ANKRD55: variants seen among roughly 807,000 people sequenced by gnomAD.
ANKRD55 encodes the protein ankyrin repeat domain-containing protein 55.
ANKRD55 carries 41 observed loss-of-function variants against 60.6 expected under a neutral mutation model. That is an observed-to-expected ratio of 0.68 (90% CI 0.53 to 0.88). ANKRD55 has a LOEUF of 0.88. ANKRD55 is among the 40% of genes least tolerant of loss of function. The probability of loss-of-function intolerance (pLI) is 0.00; values close to 1 mark genes in which losing one functional copy is unlikely to be tolerated. For missense variants in ANKRD55, 732 were observed against 767.6 expected (o/e 0.95, Z 0.55); for synonymous variants, 264 against 290.3 (o/e 0.91, Z 0.92).
At chr5:56,135,368 C>CTTTCTTTTT in intron 7 of ANKRD55, among the ~76,000 whole-genome samples, 1 of 49,190 alleles carries the variant, frequency 2.0e-5, no homozygotes, top group East Asian at 5.0e-4. Context: ...TCTTTCTTTC[C>CTTTCTTTTT]TTCTTTCTTT....
At chr5:56,205,219 C>A (rs1211117413) in intron 2 of ANKRD55, among the ~76,000 whole-genome samples, 1 of 152,102 alleles carries the variant, frequency 6.6e-6, no homozygotes, top group African/African-American at 2.4e-5. Context: ...TGCCACCATG[C>A]CCAGCTAATT....
intron 2 of ANKRD55, among the ~76,000 whole-genome samples, chr5:56,215,892 G>T (rs1474448316): frequency 6.6e-6 from 1 of 151,968 alleles, no homozygotes; most frequent in Non-Finnish European, 1.5e-5. Flanking sequence ...TTCTTGGCCA[G>T]ATCTCCTGTT....
At chr5:56,134,108 A>G (rs1306622056) in intron 7 of ANKRD55, among the ~76,000 whole-genome samples, 2 of 114,656 alleles carry the variant, frequency 1.7e-5, no homozygotes, top group African/African-American at 5.7e-5. Flanking sequence ...GAAATGAAAA[A>G]AGGTACTTCA....
At chr5:56,205,093 C>T (rs533002964) in intron 2 of ANKRD55, among the ~76,000 whole-genome samples, 8 of 152,128 alleles carry the variant, frequency 5.3e-5, no homozygotes, top group African/African-American at 1.9e-4. Flanking sequence ...CAGAGTCTCA[C>T]TCTGTTGCCC....
At chr5:56,122,265 C>G (rs949313088) in intron 8 of ANKRD55, among the ~76,000 whole-genome samples, 4 of 152,150 alleles carry the variant, frequency 2.6e-5, no homozygotes, top group African/African-American at 9.7e-5. Flanking sequence ...TGGAGGTGGC[C>G]TAAAGACGAT....
At chr5:56,186,816 G>A (rs1758985525) in intron 2 of ANKRD55, among the ~76,000 whole-genome samples, 1 of 152,184 alleles carries the variant, frequency 6.6e-6, no homozygotes, top group Non-Finnish European at 1.5e-5. Flanking sequence ...ACAAGAAATA[G>A]GGCCCAGAAA....
intron 2 of ANKRD55, among the ~76,000 whole-genome samples, chr5:56,203,331 T>C (rs952027436): frequency 3.9e-5 from 6 of 152,162 alleles, no homozygotes; most frequent in African/African-American, 1.4e-4. Context: ...TCTGATGGTT[T>C]TTTTAAAATT....
intron 9 of ANKRD55, among the ~76,000 whole-genome samples, chr5:56,112,518 A>AAAAAAAAAAAC (rs1328681621): frequency 6.7e-6 from 1 of 149,884 alleles, no homozygotes; most frequent in Non-Finnish European, 1.5e-5. Flanking sequence ...AAAAAAAAAA[A>AAAAAAAAAAAC]AAAACAACCA....
intron 2 of ANKRD55, among the ~76,000 whole-genome samples, chr5:56,201,413 T>G (rs1277188377): frequency 1.3e-5 from 2 of 152,214 alleles, no homozygotes; most frequent in Non-Finnish European, 2.9e-5. Context: ...TACAGCTGGC[T>G]GGCATTGAAA....
chr5:56,158,514 G>T (rs1758250801), intron 6 of ANKRD55, among the ~76,000 whole-genome samples: 1 of 152,196 alleles, frequency 6.6e-6, no homozygotes, highest in African/African-American at 2.4e-5. Flanking sequence ...GGACAGCTCT[G>T]CTTAGTGTCT....
In ANKRD55 at chr5:56,102,520, T is replaced by G. The variant is rs767985422; in HGVS notation, c.1697A>C (p.Asn566Thr). ...TTTTTGATCTGGTAGGGGAGCTAGGTTGTTCCGAGTGAAAGGAAGATCCCT... is the reference window on the plus strand; with the variant it reads ...TTTTTGATCTGGTAGGGGAGCTAGGGTGTTCCGAGTGAAAGGAAGATCCCT... Reference protein sequence around the residue: ...KIRDLPFTRNNLAPLPDQKFL... With the variant: ...KIRDLPFTRNTLAPLPDQKFL... Residue 566 changes from asparagine (N) to threonine (T), a missense_variant, in exon 11 of 12, where the codon AAC becomes ACC. Physicochemically the swap from Asn to Thr is moderately conservative, Grantham distance 65. This residue lies in a region of ANKRD55 where 597 missense variants were observed against 607.5 expected (regional missense o/e 0.98). Coordinates refer to ENST00000341048, the MANE Select transcript of ANKRD55 (RefSeq NM_024669.3). The G allele has an allele frequency of 6.2e-7, 1 of 1,613,684 alleles. No individual in the cohort carries two copies. The highest frequency in any genetic ancestry group is 1.1e-5 in the South Asian group (1 of 91,066).
intron 7 of ANKRD55, chr5:56,137,045 C>T (rs1010701494): frequency 2.5e-5 from 19 of 769,008 alleles, no homozygotes; most frequent in Non-Finnish European, 2.9e-5. Context: ...TTCAAGTCTT[C>T]GTGTTCACTT....
Position 56,102,597 on chromosome 5 carries a change from A to G in ANKRD55, c.1631-11T>C, listed in dbSNP as rs764298888. 1.3e-6 allele frequency: 2 copies of G among 1,597,490 alleles called. No individual in the cohort carries two copies. Among genetic ancestry groups the G allele is most frequent in the Middle Eastern group, 1.7e-4 (1 of 6,026 alleles). On this transcript the variant is annotated splice_polypyrimidine_tract_variant and intron_variant, in intron 10 of 11. Coordinates refer to ENST00000341048, the MANE Select transcript of ANKRD55 (RefSeq NM_024669.3). ...GCTGAAAATTTTGTCCTGAAGATAA[A>G]CATATTTGCATCAATTACTTGAGAC...
chr5:56,231,216 G>A (rs1760243040), intron 2 of ANKRD55, among the ~76,000 whole-genome samples: 1 of 152,204 alleles, frequency 6.6e-6, no homozygotes, highest in South Asian at 2.1e-4. Context: ...AAAGATGGCA[G>A]GGAGAGGGTT....
chr5:56,214,064 A>T (rs1390309988), intron 2 of ANKRD55, among the ~76,000 whole-genome samples: 2 of 152,098 alleles, frequency 1.3e-5, no homozygotes, highest in East Asian at 3.9e-4. Context: ...GTGCAGGGGA[A>T]CTCCCATTTA....
intron 8 of ANKRD55, among the ~76,000 whole-genome samples, chr5:56,121,235 C>T (rs1018056651): frequency 7.2e-5 from 11 of 152,104 alleles, no homozygotes; most frequent in South Asian, 4.2e-4. Context: ...CTTTAAAAGA[C>T]GAGTTTAGGT....
intron 7 of ANKRD55, among the ~76,000 whole-genome samples, chr5:56,130,795 G>C (rs899033412): frequency 1.3e-5 from 2 of 152,168 alleles, no homozygotes; most frequent in Non-Finnish European, 2.9e-5. Context: ...TCCTAAGAGA[G>C]AACAAATAAT....
chr5:56,159,590 A>G (rs1270210346), intron 6 of ANKRD55, among the ~76,000 whole-genome samples: 3 of 152,250 alleles, frequency 2.0e-5, no homozygotes, highest in African/African-American at 4.8e-5. Context: ...CAGTCGTATG[A>G]TAAATGCTGA....
chr5:56,112,024 T>G (rs531509046), intron 9 of ANKRD55, among the ~76,000 whole-genome samples: 35 of 152,318 alleles, frequency 2.3e-4, no homozygotes, highest in Admixed American at 5.2e-4. Flanking sequence ...TTCTTAGATT[T>G]TTCTTGCTCC....
Sources: gnomAD v4.1 joint callset for allele counts (sites outside exome capture counted in the v4.1 genomes callset) on GRCh38, gnomAD v4.1.1 for gene constraint, gnomAD v4.1.1 regional missense constraint, MANE v1.5 for transcripts, NCBI Gene and HGNC (gene_info 2026-07-23, HGNC 2026-07-21) for gene names.